The following PLEKHG1 variants were observed in gnomAD, a reference collection of about 807,000 sequenced individuals.
PLEKHG1 encodes the protein pleckstrin homology domain-containing family G member 1.
In PLEKHG1, 44 loss-of-function variants were observed where a neutral mutation model predicts 100.8. That is an observed-to-expected ratio of 0.44 (90% CI 0.34 to 0.56). The LOEUF (loss-of-function observed/expected upper bound fraction) is 0.56, where lower values mean the gene tolerates loss of function less well. Among genes scored for constraint, PLEKHG1 ranks in the 20% least tolerant of loss-of-function variants. The pLI, the probability that PLEKHG1 is intolerant of heterozygous loss-of-function variation, is 0.01. For missense variants in PLEKHG1, 1,545 were observed against 1,720.9 expected (o/e 0.90, Z 1.81); for synonymous variants, 640 against 662.5 (o/e 0.97, Z 0.52).
At chr6:150,674,879 C>T (rs1582925133) in intron 3 of PLEKHG1, among the ~76,000 whole-genome samples, 3 of 152,042 alleles carry the variant, frequency 2.0e-5, no homozygotes, top group South Asian at 4.2e-4. Flanking sequence ...GATGGGGTTT[C>T]GCCATGTTGG....
At chr6:150,717,615 G>A (rs559372044), upstream of PLEKHG1, among the ~76,000 whole-genome samples, 3 of 152,158 alleles carry the variant, frequency 2.0e-5, no homozygotes, top group African/African-American at 7.2e-5. Context: ...GCTCTTCTGC[G>A]CCTTGATTCC....
intron 14 of PLEKHG1, among the ~76,000 whole-genome samples, chr6:150,824,820 A>G (rs1428986384): frequency 6.6e-6 from 1 of 152,094 alleles, no homozygotes; most frequent in African/African-American, 2.4e-5. Flanking sequence ...ATGAACCACC[A>G]CACCCGGCTG....
At chr6:150,607,414 A>T (rs1199574869) in intron 1 of PLEKHG1, among the ~76,000 whole-genome samples, 1 of 152,192 alleles carries the variant, frequency 6.6e-6, no homozygotes, top group African/African-American at 2.4e-5. Context: ...CTGTAATCTG[A>T]GGCATAAATA....
intron 3 of PLEKHG1, among the ~76,000 whole-genome samples, chr6:150,769,891 C>T (rs781109772): frequency 4.6e-5 from 7 of 152,096 alleles, no homozygotes; most frequent in Non-Finnish European, 7.3e-5. Context: ...TTATATTATG[C>T]CTGTTGTTCC....
chr6:150,755,614 TGAG>T (rs1248382988), intron 2 of PLEKHG1, among the ~76,000 whole-genome samples: 2 of 152,244 alleles, frequency 1.3e-5, no homozygotes, highest in East Asian at 3.9e-4. Flanking sequence ...CCTGGAATGA[TGAG>T]GAGACACTGG....
At chr6:150,665,592 T>C (rs1779364764) in intron 3 of PLEKHG1, among the ~76,000 whole-genome samples, 1 of 151,782 alleles carries the variant, frequency 6.6e-6, no homozygotes, top group African/African-American at 2.4e-5. Flanking sequence ...ATCGTACCAC[T>C]GCACTCTAGC....
At chr6:150,754,169 A>C (rs1783687506) in intron 2 of PLEKHG1, among the ~76,000 whole-genome samples, 1 of 152,172 alleles carries the variant, frequency 6.6e-6, no homozygotes, top group Admixed American at 6.6e-5. Context: ...TGAAGGATGA[A>C]TGAGCCAGGT....
At chr6:150,754,309 G>A (rs1297860609) in intron 2 of PLEKHG1, among the ~76,000 whole-genome samples, 2 of 152,132 alleles carry the variant, frequency 1.3e-5, no homozygotes, top group Admixed American at 1.3e-4. Flanking sequence ...TAGAGGTGAG[G>A]GAGTTGAGGG....
At chr6:150,647,544 G>A (rs1356327525) in intron 2 of PLEKHG1, among the ~76,000 whole-genome samples, 1 of 152,052 alleles carries the variant, frequency 6.6e-6, no homozygotes, top group Non-Finnish European at 1.5e-5. Flanking sequence ...TGCTTATAGT[G>A]TAGACTATAA....
intron 2 of PLEKHG1, among the ~76,000 whole-genome samples, chr6:150,768,011 G>T (rs755866776): frequency 6.6e-6 from 1 of 152,114 alleles, no homozygotes; most frequent in Non-Finnish European, 1.5e-5. Flanking sequence ...AGCTATGTCA[G>T]TTTAACCCAC....
At chr6:150,741,292 A>G (rs713293) in intron 2 of PLEKHG1, among the ~76,000 whole-genome samples, 10,592 of 152,224 alleles carry the variant, frequency 0.07, 1,178 homozygotes, top group African/African-American at 0.23. Context: ...GCTGAACACA[A>G]GAGTTCATGT....
chr6:150,684,894 A>C (rs1780066930), intron 3 of PLEKHG1, among the ~76,000 whole-genome samples: 1 of 152,054 alleles, frequency 6.6e-6, no homozygotes, highest in Non-Finnish European at 1.5e-5. Context: ...CCGGTTAAGG[A>C]AGCACGTGTG....
In PLEKHG1 at chr6:150,683,516, G is replaced by C. The variant is rs1780003517; in HGVS notation, c.-99+32730G>C. ...AGGAAGCACGTGTGTGTGTGTGGAA[G>C]GGTGGCGCTGACCTCCCAGACAGGA... On this transcript the variant is annotated intron_variant, in intron 3 of 3. Transcript: ENST00000367326. The surrounding 1 kb of genome is among the most constrained non-coding windows in gnomAD (Gnocchi z 4.0). 8.7e-6 allele frequency: 2 copies of C among 230,898 alleles called. No homozygotes were observed. The highest frequency in any genetic ancestry group is 4.6e-5 in the African/African-American group (2 of 43,704). The allele number at this position is 230,898 out of a possible 1,614,324, so 14.3% of individuals were successfully genotyped here. A position where few individuals can be genotyped will look rare whatever the true frequency, so the allele number is the denominator to read the frequency against.
chr6:150,607,755 A>C (rs896408656), intron 1 of PLEKHG1, among the ~76,000 whole-genome samples: 50 of 152,232 alleles, frequency 3.3e-4, no homozygotes, highest in African/African-American at 1.2e-3. Context: ...TTTTTAGGGA[A>C]TTTCTTGATG....
At chr6:150,659,934 A>G (rs985948724) in intron 3 of PLEKHG1, among the ~76,000 whole-genome samples, 1 of 152,202 alleles carries the variant, frequency 6.6e-6, no homozygotes, top group Non-Finnish European at 1.5e-5. Flanking sequence ...CTACTCACAA[A>G]CTTTTTTGAT....
At chr6:150,615,342 T>G (rs9480495) in intron 1 of PLEKHG1, among the ~76,000 whole-genome samples, 11,345 of 152,220 alleles carry the variant, frequency 0.075, 534 homozygotes, top group Non-Finnish European at 0.1. Context: ...ATTCAAAGCA[T>G]TAGACCAACT....
Position 150,828,408 on chromosome 6 carries a change from G to A in PLEKHG1, c.1471-2174G>A, listed in dbSNP as rs7743475. ...GAGGCTACAGCTGCTATCCCATGCC[G>A]AACTTTCTTGTGACAAATTGTCTGG... On this transcript the variant is annotated intron_variant, in intron 14 of 15. Transcript: ENST00000358517. The A allele has an allele frequency of 3.0e-4, 463 of 1,558,300 alleles. 4 individuals are homozygous for A. In the African/African-American group the frequency reaches 5.4e-3, roughly 18 times the overall value.
chr6:150,717,066 C>T (rs1191875050), upstream of PLEKHG1, among the ~76,000 whole-genome samples: 1 of 152,212 alleles, frequency 6.6e-6, no homozygotes, highest in African/African-American at 2.4e-5. Flanking sequence ...GACTCTTACT[C>T]TGTTGCCCAG....
intron 1 of PLEKHG1, among the ~76,000 whole-genome samples, chr6:150,624,153 C>T (rs1562390541): frequency 6.6e-6 from 1 of 152,232 alleles, no homozygotes; most frequent in Non-Finnish European, 1.5e-5. Flanking sequence ...TTCTGAGCCT[C>T]ATCCCTGAAT....
Sources: allele counts gnomAD v4.1 joint callset (sites outside exome capture counted in the v4.1 genomes callset), GRCh38; gene constraint gnomAD v4.1.1; non-coding constraint Gnocchi (gnomAD v3.1); transcripts MANE v1.5; gene names NCBI Gene and HGNC (gene_info 2026-07-23, HGNC 2026-07-21).